The following FTCDNL1 variants were observed in gnomAD, a reference collection of about 807,000 sequenced individuals.
FTCDNL1 encodes formiminotransferase N-terminal subdomain-containing protein.
Under a neutral mutation model 5.9 loss-of-function variants are expected in FTCDNL1, and 11 were observed. The ratio of observed to expected loss-of-function variants is 1.87; its 90% confidence interval spans 1.18 to 3.10. FTCDNL1 has a LOEUF of 3.10. Ranked by LOEUF, FTCDNL1 falls within the 30% of genes most tolerant of loss-of-function variation. FTCDNL1 has a pLI of 0.00. For missense variants in FTCDNL1, 115 were observed against 65.5 expected (o/e 1.76, Z -2.61); for synonymous variants, 58 against 24.8 (o/e 2.34, Z -3.99).
chr2:199,792,005 T>C (rs893941528), intron 3 of FTCDNL1, among the ~76,000 whole-genome samples: 1 of 152,234 alleles, frequency 6.6e-6, no homozygotes, highest in African/African-American at 2.4e-5. Flanking sequence ...GAAAATAATA[T>C]GTAAATAAAT....
chr2:199,709,859 A>G, the FTCDNL1 span, among the ~76,000 whole-genome samples: 30 of 152,244 alleles, frequency 2.0e-4, no homozygotes, highest in East Asian at 5.6e-3. Flanking sequence ...TTATTTCTCT[A>G]GTAAGAGGTG....
chr2:199,765,884 T>A (rs1266747147), intron 3 of FTCDNL1, among the ~76,000 whole-genome samples: 1 of 152,026 alleles, frequency 6.6e-6, no homozygotes, highest in Non-Finnish European at 1.5e-5. Context: ...GTGGTTGTGA[T>A]TCTCCTGCCT....
At chr2:199,804,848 CAA>C (rs553236391), downstream of FTCDNL1, among the ~76,000 whole-genome samples, 1 of 151,692 alleles carries the variant, frequency 6.6e-6, no homozygotes, top group Non-Finnish European at 1.5e-5. Flanking sequence ...AAAGAGATCA[CAA>C]AAAAAATTGT....
At chr2:199,693,571 G>T in the FTCDNL1 span, among the ~76,000 whole-genome samples, 1 of 152,108 alleles carries the variant, frequency 6.6e-6, no homozygotes. Flanking sequence ...TGTCTACACG[G>T]ATAATTATAG....
the FTCDNL1 span, among the ~76,000 whole-genome samples, chr2:199,755,289 C>T: frequency 6.6e-6 from 1 of 152,186 alleles, no homozygotes; most frequent in African/African-American, 2.4e-5. Context: ...TTTCCATTGA[C>T]AGGGACCTCA....
At chr2:199,751,860 C>T in the FTCDNL1 span, among the ~76,000 whole-genome samples, 1 of 144,664 alleles carries the variant, frequency 6.9e-6, no homozygotes, top group Non-Finnish European at 1.5e-5. Flanking sequence ...ACCAATGAGC[C>T]CATCAGGCTG....
At chr2:199,714,412 A>T in the FTCDNL1 span, among the ~76,000 whole-genome samples, 1 of 152,190 alleles carries the variant, frequency 6.6e-6, no homozygotes, top group Non-Finnish European at 1.5e-5. Flanking sequence ...TATTAAAGAT[A>T]CATATGGTGA....
At position 199,851,168 on chromosome 2, in the gene FTCDNL1, G is replaced by A. The variant is rs891819861; in HGVS notation, c.-436C>T. The A allele has an allele frequency of 6.9e-6, 1 of 145,436 alleles. No homozygotes were observed. Among genetic ancestry groups the A allele is most frequent in the South Asian group, 2.1e-4 (1 of 4,798 alleles). The allele number at this position is 145,436 out of a possible 1,614,324, so 9.0% of individuals were successfully genotyped here. On this transcript the variant is annotated 5_prime_UTR_variant, in exon 1 of 5. Transcript: ENST00000420128. ...CAGCCTCCGCCGCCGCGCGTGGCCC[G>A]CGCGCAGCGTCTGCCGCCGGCTCCG...
chr2:199,735,441 T>C, the FTCDNL1 span, among the ~76,000 whole-genome samples: 3 of 151,906 alleles, frequency 2.0e-5, no homozygotes, highest in African/African-American at 7.3e-5. Context: ...TGGTTTGATT[T>C]ATACAATAGT....
At chr2:199,784,236 C>T (rs933558752) in intron 3 of FTCDNL1, among the ~76,000 whole-genome samples, 3 of 152,196 alleles carry the variant, frequency 2.0e-5, no homozygotes, top group Non-Finnish European at 4.4e-5. Flanking sequence ...CTCCCAGCAA[C>T]AGCAATCTGA....
chr2:199,668,265 T>A, the FTCDNL1 span, among the ~76,000 whole-genome samples: 4 of 152,210 alleles, frequency 2.6e-5, no homozygotes, highest in South Asian at 8.3e-4. Flanking sequence ...GTTTAAAAAT[T>A]GATGAGTCTG....
At chr2:199,731,235 C>T in the FTCDNL1 span, among the ~76,000 whole-genome samples, 1 of 152,148 alleles carries the variant, frequency 6.6e-6, no homozygotes, top group Non-Finnish European at 1.5e-5. Context: ...GGACAAACAC[C>T]TAACACATGT....
chr2:199,698,349 A>G, the FTCDNL1 span, among the ~76,000 whole-genome samples: 3 of 152,206 alleles, frequency 2.0e-5, no homozygotes. Context: ...TCAGCTGCAC[A>G]TGGCACATAC....
chr2:199,801,419 G>A (rs980438046), intron 3 of FTCDNL1, among the ~76,000 whole-genome samples: 8 of 152,116 alleles, frequency 5.3e-5, no homozygotes, highest in African/African-American at 1.7e-4. Flanking sequence ...GGCCCAAGCA[G>A]GTAGATTTCT....
At chr2:199,760,978 AC>A in intron 3 of FTCDNL1, 1 of 669,194 alleles carries the variant, frequency 1.5e-6, no homozygotes, top group Admixed American at 2.1e-5. Flanking sequence ...CCAAGGCTTC[AC>A]GTTCTCTGGG....
chr2:199,846,289 T>C (rs2076731079), intron 2 of FTCDNL1, 119 bp from the exon 3 acceptor site: 2 of 578,284 alleles, frequency 3.5e-6, no homozygotes, highest in South Asian at 2.3e-5. Context: ...ATGTGACTTT[T>C]GGAAGTGACA....
the FTCDNL1 span, among the ~76,000 whole-genome samples, chr2:199,681,135 T>C: frequency 6.6e-6 from 1 of 152,174 alleles, no homozygotes; most frequent in Admixed American, 6.5e-5. Context: ...AAGGATGGCA[T>C]GGTGTGGGAA....
chr2:199,839,037 C>A (rs2076508540), intron 3 of FTCDNL1, among the ~76,000 whole-genome samples: 1 of 152,030 alleles, frequency 6.6e-6, no homozygotes, highest in Non-Finnish European at 1.5e-5. Context: ...AAAGAAATGA[C>A]CCAGCCATGT....
chr2:199,767,550 G>A (rs1309391152), intron 3 of FTCDNL1, among the ~76,000 whole-genome samples: 1 of 152,232 alleles, frequency 6.6e-6, no homozygotes, highest in East Asian at 1.9e-4. Flanking sequence ...CCAAGGTGAT[G>A]GTATTAAGAG....
Sources: allele counts gnomAD v4.1 joint callset (sites outside exome capture counted in the v4.1 genomes callset), GRCh38; gene constraint gnomAD v4.1.1; transcripts MANE v1.5; gene names NCBI Gene and HGNC (gene_info 2026-07-23, HGNC 2026-07-21).